COG3: variants seen among roughly 807,000 people sequenced by gnomAD.
COG3 encodes the protein component of oligomeric golgi complex 3.
A neutral mutation model predicts 114.1 loss-of-function variants in COG3; 32 were observed. The ratio of observed to expected loss-of-function variants is 0.28; its 90% CI spans 0.21 to 0.38. The LOEUF is 0.38. Ranked by LOEUF, COG3 falls within the 10% of genes least tolerant of loss-of-function variation. COG3 has a pLI of 1.00. For synonymous variants in COG3, 352 were observed against 365.7 expected, an observed-to-expected ratio of 0.96 and a Z score of 0.43; for missense variants, 813 against 973.2, an observed-to-expected ratio of 0.84 and a Z score of 2.19.
At chr13:45,505,794 A>G (rs1555297534) in intron 14 of COG3, among the ~76,000 whole-genome samples, 1 of 150,808 alleles carries the variant, frequency 6.6e-6, no homozygotes, top group Non-Finnish European at 1.5e-5. Context: ...GAGTCTCGCT[A>G]TGTTGCCCAG....
intron 14 of COG3, among the ~76,000 whole-genome samples, chr13:45,509,050 T>C (rs1870557083): frequency 6.6e-6 from 1 of 152,058 alleles, no homozygotes; most frequent in Admixed American, 6.5e-5. Context: ...TCCTTTTTTT[T>C]TTTTTTTGAG....
chr13:45,506,717 G>A (rs1365460665), intron 14 of COG3, among the ~76,000 whole-genome samples: 1 of 152,140 alleles, frequency 6.6e-6, no homozygotes, highest in African/African-American at 2.4e-5. Context: ...GGTAGGAAGT[G>A]GAGCAAAACC....
chr13:45,496,187 C>G lies in COG3; in HGVS notation c.1363C>G (p.Gln455Glu), dbSNP rs776239973. The change falls in exon 13 of 23, where the codon CAG (glutamine) becomes GAG (glutamate). Residue 455 changes from glutamine to glutamate, a missense_variant. Transcript: ENST00000349995. ...GGGGGCATTTGCAGCTGGAGTCAAG[C>G]AGATGTTAGAAGATGTACAGGAGCG... ...QLGAFAAGVK[Q>E]MLEDVQERLV... The G allele has an allele frequency of 1.7e-5, 27 of 1,610,484 alleles. No individual in the cohort carries two copies. Among genetic ancestry groups the G allele is most frequent in the Admixed American group, 5.0e-5 (3 of 59,850 alleles).
intron 17 of COG3, among the ~76,000 whole-genome samples, chr13:45,516,642 A>G (rs1183140815): frequency 1.3e-5 from 2 of 152,210 alleles, no homozygotes; most frequent in African/African-American, 2.4e-5. Flanking sequence ...TCAGGAAGCC[A>G]GCTGGGTAAA....
intron 22 of COG3, among the ~76,000 whole-genome samples, chr13:45,532,460 C>CA (rs1182271493): frequency 6.6e-6 from 1 of 151,536 alleles, no homozygotes; most frequent in Non-Finnish European, 1.5e-5. Flanking sequence ...GAACAAGGTG[C>CA]ATTTGGAGAA....
At chr13:45,489,186 CAAAAAAAAAAA>C (rs71074703) in intron 8 of COG3, among the ~76,000 whole-genome samples, 3 of 30,412 alleles carry the variant, frequency 9.9e-5, no homozygotes, top group African/African-American at 1.4e-4. Flanking sequence ...GACTCTGTTT[CAAAAAAAAAAA>C]AAAAAAAAAA....
chr13:45,473,688 A>T (rs1435040109), intron 1 of COG3, among the ~76,000 whole-genome samples: 2 of 152,204 alleles, frequency 1.3e-5, no homozygotes, highest in Non-Finnish European at 2.9e-5. Context: ...GTCTGTGCTA[A>T]GTGCTTTACA....
chr13:45,496,716 C>T (rs1282131969), intron 13 of COG3, among the ~76,000 whole-genome samples: 2 of 152,000 alleles, frequency 1.3e-5, no homozygotes, highest in African/African-American at 2.4e-5. Context: ...CTCTGTCGCC[C>T]AGGCTGGAGT....
In COG3 at chr13:45,522,948, G is replaced by A. The variant is rs146349559; in HGVS notation, c.2155-2028G>A. 1.7e-3 allele frequency among the ~76,000 whole-genome samples: 256 copies of A among 152,268 alleles called. 2 individuals are homozygous for A. Among genetic ancestry groups the A allele is most frequent in the South Asian group, 5.8e-3 (28 of 4,826 alleles). ...GCTGAGCCCTAGATCCTGCAACTGC[G>A]TCTGCCACCTTCTGACTGAAGTTAA... On this transcript the variant is annotated intron_variant, in intron 19 of 22. Transcript: ENST00000349995.
At chr13:45,496,792 G>C (rs1003789924) in intron 13 of COG3, among the ~76,000 whole-genome samples, 6 of 151,920 alleles carry the variant, frequency 3.9e-5, no homozygotes, top group African/African-American at 1.5e-4. Context: ...TCCTGCCTCA[G>C]CCTCCCGAGA....
intron 13 of COG3, among the ~76,000 whole-genome samples, chr13:45,499,385 T>A (rs1380682525): frequency 6.6e-6 from 1 of 152,194 alleles, no homozygotes; most frequent in Non-Finnish European, 1.5e-5. Flanking sequence ...AGATATACAA[T>A]GAGATTGCTG....
chr13:45,510,651 T>C (rs1870758542), intron 15 of COG3, among the ~76,000 whole-genome samples: 2 of 152,216 alleles, frequency 1.3e-5, no homozygotes, highest in South Asian at 4.1e-4. Context: ...TTTAGCTTAA[T>C]AGTAGGTAGG....
chr13:45,509,627 G>C, intron 14 of COG3, 65 bp from the exon 15 acceptor site: 1 of 1,589,086 alleles, frequency 6.3e-7, no homozygotes, highest in Non-Finnish European at 8.6e-7. Flanking sequence ...TAGTTGCCAT[G>C]TAAATTATTG....
intron 14 of COG3, among the ~76,000 whole-genome samples, chr13:45,507,469 A>G (rs932742533): frequency 6.6e-6 from 1 of 152,176 alleles, no homozygotes. Flanking sequence ...ACAGAATTGT[A>G]AAGTGAAAGT....
chr13:45,496,053 G>A, intron 12 of COG3, 99 bp from the exon 13 acceptor site: 1 of 1,196,310 alleles, frequency 8.4e-7, no homozygotes, highest in East Asian at 2.5e-5. Flanking sequence ...AGCAAAAGTG[G>A]TTCATACTGT....
chr13:45,468,058 C>T (rs1885255837), intron 1 of COG3, among the ~76,000 whole-genome samples: 1 of 152,190 alleles, frequency 6.6e-6, no homozygotes, highest in Non-Finnish European at 1.5e-5. Flanking sequence ...ATTAGGTAGA[C>T]TTTTGTAGCC....
At chr13:45,477,933 C>G (rs1885986064) in intron 2 of COG3, among the ~76,000 whole-genome samples, 2 of 151,916 alleles carry the variant, frequency 1.3e-5, no homozygotes, top group Non-Finnish European at 2.9e-5. Flanking sequence ...GCCCCACAGT[C>G]CATATTCTTA....
intron 14 of COG3, 106 bp from the exon 15 acceptor site, chr13:45,509,586 C>T: frequency 1.4e-6 from 2 of 1,410,178 alleles, no homozygotes; most frequent in Admixed American, 4.2e-5. Context: ...TGCCCTCTAG[C>T]TACTTATAGC....
intron 21 of COG3, 36 bp downstream of exon 21, chr13:45,529,954 T>C: frequency 6.3e-7 from 1 of 1,585,760 alleles, no homozygotes; most frequent in African/African-American, 1.4e-5. Context: ...TGTTGGCGGG[T>C]GACTTCAAGT....
Sources: gnomAD v4.1 joint callset for allele counts (sites outside exome capture counted in the v4.1 genomes callset) on GRCh38, gnomAD v4.1.1 for gene constraint, MANE v1.5 for transcripts, NCBI Gene and HGNC (gene_info 2026-07-23, HGNC 2026-07-21) for gene names.